Variants in EIF4H observed in about 807,000 individuals in gnomAD.
EIF4H encodes the protein eukaryotic translation initiation factor 4H.
A neutral mutation model predicts 30.6 loss-of-function variants in EIF4H; 8 were observed. The observed-to-expected ratio is 0.26, with a 90% CI of 0.15 to 0.47. The LOEUF (loss-of-function observed/expected upper bound fraction) is 0.47. EIF4H is among the 20% of genes least tolerant of loss of function. The pLI is 0.99. For synonymous variants in EIF4H, 106 were observed against 122.7 expected (o/e 0.86, Z 0.90); for missense variants, 188 against 339.5 (o/e 0.55, Z 3.51).
At chr7:74,191,390 G>A (rs1801208992) in intron 5 of EIF4H, 1 of 453,330 alleles carries the variant, frequency 2.2e-6, no homozygotes, top group African/African-American at 2.0e-5. Flanking sequence ...ACATACTAAC[G>A]TCTTTCTACC....
intron 5 of EIF4H, chr7:74,191,439 C>A (rs1554709949): frequency 8.2e-6 from 3 of 366,474 alleles, no homozygotes; most frequent in Non-Finnish European, 1.6e-5. Context: ...AGCAGAGACA[C>A]AGTGAACACG....
At chr7:74,177,072 A>G (rs1800858049) in intron 1 of EIF4H, among the ~76,000 whole-genome samples, 1 of 152,224 alleles carries the variant, frequency 6.6e-6, no homozygotes, top group Non-Finnish European at 1.5e-5. Context: ...AAAAACTGGC[A>G]AAACTCCAAA....
chr7:74,182,760 C>T (rs1473759100), intron 1 of EIF4H, among the ~76,000 whole-genome samples: 2 of 152,204 alleles, frequency 1.3e-5, no homozygotes, highest in Non-Finnish European at 2.9e-5. Context: ...ACCCTCATAA[C>T]ATCTACTCTG....
At chr7:74,188,309 G>C (rs768329876) in intron 2 of EIF4H, among the ~76,000 whole-genome samples, 3 of 152,206 alleles carry the variant, frequency 2.0e-5, no homozygotes, top group Non-Finnish European at 4.4e-5. Context: ...TATAGGTCGT[G>C]TGTCTGCAGG....
In EIF4H at chr7:74,196,940, AAC is replaced by A. The variant is rs1262174551; in HGVS notation, c.*1636_*1637del. 3 of 152,602 alleles carry A rather than the reference AAC, an allele frequency of 2.0e-5. No homozygotes were observed. The highest frequency in any genetic ancestry group is 2.4e-5 in the African/African-American group (1 of 41,440). 9.5% of individuals were successfully genotyped at this position (152,602 alleles called of 1,614,324 possible). A position where few individuals can be genotyped will look rare whatever the true frequency, so the allele number is the denominator to read the frequency against. On this transcript the variant is annotated 3_prime_UTR_variant, in exon 7 of 7. Transcript: ENST00000265753. Reference sequence around the variant, plus strand: ...TCAATGTGGATAAGATAAAGAACAAAACACATGCATCTAAACTGCTGGGCAAT... The same window carrying A: ...TCAATGTGGATAAGATAAAGAACAAAACATGCATCTAAACTGCTGGGCAAT...
At chr7:74,181,985 G>C (rs1241326030) in intron 1 of EIF4H, among the ~76,000 whole-genome samples, 1 of 152,182 alleles carries the variant, frequency 6.6e-6, no homozygotes, top group South Asian at 2.1e-4. Context: ...AAAGTGCTGG[G>C]ATTATAGGTG....
At chr7:74,178,131 G>C (rs996438396) in intron 1 of EIF4H, among the ~76,000 whole-genome samples, 12 of 152,190 alleles carry the variant, frequency 7.9e-5, no homozygotes, top group African/African-American at 2.9e-4. Context: ...TGTAGAGACA[G>C]AGTGTCTCTA....
chr7:74,184,812 CT>C (rs1801046552), intron 1 of EIF4H, among the ~76,000 whole-genome samples: 1 of 152,086 alleles, frequency 6.6e-6, no homozygotes, highest in South Asian at 2.1e-4. Context: ...TCTGAAGTAG[CT>C]GGGATTACAA....
intron 1 of EIF4H, among the ~76,000 whole-genome samples, chr7:74,187,360 A>T (rs1801108450): frequency 6.6e-6 from 1 of 152,144 alleles, no homozygotes; most frequent in African/African-American, 2.4e-5. Context: ...GAACCCGGGA[A>T]GCAGAGGTTC....
chr7:74,175,952 C>A (rs1800829484), intron 1 of EIF4H, among the ~76,000 whole-genome samples: 1 of 152,052 alleles, frequency 6.6e-6, no homozygotes, highest in Non-Finnish European at 1.5e-5. Flanking sequence ...AAGTAAAATT[C>A]TATTAAGATG....
intron 1 of EIF4H, 62 bp from the exon 2 acceptor site, chr7:74,187,549 C>T (rs1801114222): frequency 7.0e-7 from 1 of 1,434,904 alleles, no homozygotes; most frequent in South Asian, 1.7e-5. Flanking sequence ...CGGAAGACCG[C>T]TTTACTTGTT....
chr7:74,187,502 A>T (rs1801112519), intron 1 of EIF4H, 109 bp from the exon 2 acceptor site: 2 of 1,132,688 alleles, frequency 1.8e-6, no homozygotes, highest in Non-Finnish European at 2.4e-6. Flanking sequence ...TACATCGAGC[A>T]GAGTGCCTCA....
rs1659296813 is a variant in EIF4H, at chr7:74,196,519, G to A, written c.*1211G>A. The A allele has an allele frequency of 6.6e-6, 1 of 152,312 alleles. No individual in the cohort carries two copies. The highest frequency in any genetic ancestry group is 2.4e-5 in the African/African-American group (1 of 41,434). The allele number at this position is 152,312 out of a possible 1,614,324, so 9.4% of individuals were successfully genotyped here. ...TCAGCAGTTATGTGGGAGTGCTAGG[G>A]GTTAGGCTTTTGAGCTTGAACGCCT... On this transcript the variant is annotated 3_prime_UTR_variant, in exon 7 of 7. Coordinates refer to ENST00000265753, the MANE Select transcript of EIF4H (RefSeq NM_022170.2).
At chr7:74,176,399 G>A (rs1800840911) in intron 1 of EIF4H, among the ~76,000 whole-genome samples, 2 of 151,862 alleles carry the variant, frequency 1.3e-5, no homozygotes, top group Admixed American at 1.3e-4. Flanking sequence ...CACCGCGCCC[G>A]GCCTCAATTA....
rs1446841615 is a variant in EIF4H, at chr7:74,195,983, CAGTG to C, written c.*678_*681del. The C allele has an allele frequency of 2.0e-5, 3 of 152,174 alleles. No individual in the cohort carries two copies. Among genetic ancestry groups the C allele is most frequent in the Non-Finnish European group, 2.9e-5 (2 of 68,072 alleles). The allele number at this position is 152,174 out of a possible 1,614,324, so 9.4% of individuals were successfully genotyped here. A position where few individuals can be genotyped will look rare whatever the true frequency, so the allele number is the denominator to read the frequency against. On this transcript the variant is annotated 3_prime_UTR_variant, in exon 7 of 7. Coordinates refer to ENST00000265753, the MANE Select transcript of EIF4H (RefSeq NM_022170.2). ...CAAGCAGATAGGCTCACACGAGAAA[CAGTG>C]AGGCTGAAAGGGGGGGCTATGGAAG...
At chr7:74,175,458 T>C (rs1554707526) in intron 1 of EIF4H, among the ~76,000 whole-genome samples, 1 of 152,174 alleles carries the variant, frequency 6.6e-6, no homozygotes, top group African/African-American at 2.4e-5. Context: ...AAAAGTATCT[T>C]TGTTTGGTAA....
intron 5 of EIF4H, among the ~76,000 whole-genome samples, chr7:74,194,009 C>T (rs543782437): frequency 2.6e-5 from 4 of 152,370 alleles, no homozygotes; most frequent in Non-Finnish European, 4.4e-5. Context: ...TCCTCCTACA[C>T]ACCAGTGGGA....
Position 74,190,278 on chromosome 7 carries a change from A to G in EIF4H, c.441A>G (p.Gly147=). Residue 147 remains glycine, a synonymous_variant, in exon 5 of 7, where the codon GGA becomes GGG. Coordinates refer to ENST00000265753, the MANE Select transcript of EIF4H (RefSeq NM_022170.2). ...GTAGCTCTCGAGAATCTAGAGGTGG[A>G]TGGGATTCCCGGGATGACTTCAATT... ...GMGSSRESRG[G]WDSRDDFNSG... is the part of the protein sequence containing the mutation. The G allele has an allele frequency of 1.2e-6, 2 of 1,614,164 alleles. No individual in the cohort carries two copies. Among genetic ancestry groups the G allele is most frequent in the Non-Finnish European group, 1.7e-6 (2 of 1,180,016 alleles).
At chr7:74,185,353 T>C (rs1554709046) in intron 1 of EIF4H, among the ~76,000 whole-genome samples, 1 of 152,208 alleles carries the variant, frequency 6.6e-6, no homozygotes, top group Non-Finnish European at 1.5e-5. Flanking sequence ...GAAAATATTT[T>C]AGGATTTATG....
Sources: gnomAD v4.1 joint callset for allele counts (sites outside exome capture counted in the v4.1 genomes callset) on GRCh38, gnomAD v4.1.1 for gene constraint, MANE v1.5 for transcripts, NCBI Gene and HGNC (gene_info 2026-07-23, HGNC 2026-07-21) for gene names.